TDP1: variants seen among roughly 807,000 people sequenced by gnomAD.
The protein encoded by TDP1 is tyr-DNA phosphodiesterase 1.
Under a neutral mutation model 81.5 loss-of-function variants are expected in TDP1, and 64 were observed. That is an observed-to-expected ratio of 0.79 (90% CI 0.64 to 0.97). TDP1 has a LOEUF of 0.97. Among genes scored for constraint, TDP1 ranks in the 50% least tolerant of loss-of-function variants. The pLI is 0.00. For missense variants in TDP1, 723 were observed against 743.8 expected (o/e 0.97, Z 0.33); for synonymous variants, 256 against 264.3 (o/e 0.97, Z 0.30).
intron 14 of TDP1, among the ~76,000 whole-genome samples, chr14:90,017,365 T>G (rs180893517): frequency 1.2e-3 from 181 of 152,288 alleles, no homozygotes; most frequent in African/African-American, 4.3e-3. Context: ...TCTCAGGGAA[T>G]GTTGATTTAT....
rs1885706904 is a variant in TDP1 at position 90,019,415 on chromosome 14, A to T, written c.1641A>T (p.Ala547=). The part of the protein sequence containing the change: ...YELGVLFLPS[A]FGLDSFKVKQ... ...TCGGGGTCCTTTTCCTCCCTTCAGC[A>T]TTTGTAAGTTTACACTTCCAACTGC... Residue 547 remains alanine (A), a synonymous_variant, in exon 15 of 17, where the codon GCA becomes GCT. Transcript: ENST00000335725. 1 of 1,578,658 alleles carries T rather than the reference A, an allele frequency of 6.3e-7. No homozygotes were observed. Among genetic ancestry groups the T allele is most frequent in the South Asian group, 1.1e-5 (1 of 90,378 alleles).
chr14:90,043,282 TG>T lies in TDP1; in HGVS notation c.*141del. On this transcript the variant is annotated 3_prime_UTR_variant, in exon 17 of 17. Transcript: ENST00000335725. ...TCTTTCCAAAGGTCACTCTTATGAA[TG>T]GATGTTGGTTATACTTTTAATGGAC... is the stretch of plus-strand genomic sequence containing the variant. The T allele has an allele frequency of 1.1e-6, 1 of 930,324 alleles. No homozygotes were observed. Among genetic ancestry groups the T allele is most frequent in the Non-Finnish European group, 1.7e-6 (1 of 586,408 alleles). 57.6% of individuals were successfully genotyped at this position (930,324 alleles called of 1,614,324 possible).
chr14:90,041,093 AC>A (rs1388576304), intron 16 of TDP1, among the ~76,000 whole-genome samples: 1 of 152,226 alleles, frequency 6.6e-6, no homozygotes, highest in African/African-American at 2.4e-5. Flanking sequence ...GTCTAATAGC[AC>A]TCATAGCAAG....
chr14:90,025,826 C>T (rs1008867519), intron 15 of TDP1, among the ~76,000 whole-genome samples: 1 of 152,202 alleles, frequency 6.6e-6, no homozygotes, highest in Non-Finnish European at 1.5e-5. Context: ...TCTCTTTGGA[C>T]CTCATTCCTT....
At chr14:90,032,079 T>C (rs75061498) in intron 15 of TDP1, among the ~76,000 whole-genome samples, 5,963 of 152,296 alleles carry the variant, frequency 0.039, 387 homozygotes, top group African/African-American at 0.13. Flanking sequence ...GCACCATGCC[T>C]GACCCAGAAG....
upstream of TDP1, chr14:89,955,366 A>T (rs1402922915): frequency 6.6e-6 from 1 of 152,266 alleles, no homozygotes; most frequent in Non-Finnish European, 1.5e-5. Flanking sequence ...TACCATAAAC[A>T]GCACCGAGCC....
intron 2 of TDP1, among the ~76,000 whole-genome samples, chr14:89,961,956 T>C (rs1892378707): frequency 6.6e-6 from 1 of 152,172 alleles, no homozygotes; most frequent in South Asian, 2.1e-4. Flanking sequence ...ATGTTAAAAG[T>C]ATCACATTGA....
At chr14:89,990,301 A>G (rs1290653264) in intron 12 of TDP1, among the ~76,000 whole-genome samples, 1 of 152,166 alleles carries the variant, frequency 6.6e-6, no homozygotes, top group Non-Finnish European at 1.5e-5. Flanking sequence ...CCTTTCCCTT[A>G]TACTCATACC....
chr14:90,038,702 G>A (rs1029639106), intron 16 of TDP1, among the ~76,000 whole-genome samples: 35 of 152,240 alleles, frequency 2.3e-4, no homozygotes, highest in African/African-American at 7.9e-4. Context: ...GCTGGGTGTG[G>A]TGGCACATGC....
chr14:90,016,304 A>C (rs1885305056), intron 14 of TDP1, among the ~76,000 whole-genome samples: 1 of 151,976 alleles, frequency 6.6e-6, no homozygotes, highest in Non-Finnish European at 1.5e-5. Flanking sequence ...TGGCCTCCCA[A>C]AGTGCTGGGA....
At chr14:89,977,670 A>G (rs905700582) in intron 7 of TDP1, among the ~76,000 whole-genome samples, 5 of 152,252 alleles carry the variant, frequency 3.3e-5, no homozygotes, top group African/African-American at 1.2e-4. Context: ...TAGAGTTTTT[A>G]TTCTTACAGC....
At chr14:90,033,048 T>G (rs1887462649) in intron 15 of TDP1, 58 bp from the exon 16 acceptor site, 11 of 1,320,192 alleles carry the variant, frequency 8.3e-6, no homozygotes, top group Non-Finnish European at 1.2e-5. Flanking sequence ...CCTTCTGGTT[T>G]TTTTTTTTAA....
intron 10 of TDP1, 39 bp downstream of exon 10, chr14:89,985,249 T>C: frequency 8.7e-7 from 1 of 1,149,474 alleles, no homozygotes; most frequent in South Asian, 1.4e-5. Flanking sequence ...TTTAAAAAAT[T>C]TAATGTATAT....
intron 14 of TDP1, among the ~76,000 whole-genome samples, chr14:90,013,662 A>G (rs1156246123): frequency 3.3e-5 from 5 of 152,124 alleles, no homozygotes; most frequent in Admixed American, 6.5e-5. Context: ...AATACTTGAT[A>G]TGGTTTGGCT....
At chr14:90,007,413 AC>A (rs1469143834) in intron 14 of TDP1, among the ~76,000 whole-genome samples, 1 of 152,026 alleles carries the variant, frequency 6.6e-6, no homozygotes, top group Non-Finnish European at 1.5e-5. Flanking sequence ...ACATGGTGAA[AC>A]CCTGTCTCTA....
At chr14:89,969,021 C>T (rs1301920993) in intron 5 of TDP1, among the ~76,000 whole-genome samples, 2 of 152,120 alleles carry the variant, frequency 1.3e-5, no homozygotes, top group Non-Finnish European at 2.9e-5. Flanking sequence ...AGAGATAAGA[C>T]CATGTAAAGA....
At position 90,005,404 on chromosome 14, in the gene TDP1, T is replaced by TA. The variant is rs200588649; in HGVS notation, c.1541+11931dup. Among the ~76,000 whole-genome samples the TA allele has an allele frequency of 6.5e-4, 98 of 151,686 alleles. 1 individual carries two copies. The highest frequency in any genetic ancestry group is 2.2e-3 in the African/African-American group (93 of 41,482). On this transcript the variant is annotated intron_variant, in intron 14 of 16. Coordinates refer to ENST00000335725, the MANE Select transcript of TDP1 (RefSeq NM_018319.4). The stretch of plus-strand genomic sequence containing the variant: ...CTTTGAACAAAGGGTTCTCGAGGTT[T>TA]AAAAAAAAAATTTTTTTAAATCATT...
intron 14 of TDP1, among the ~76,000 whole-genome samples, chr14:90,012,944 T>A (rs1884886842): frequency 6.6e-6 from 1 of 152,162 alleles, no homozygotes; most frequent in African/African-American, 2.4e-5. Flanking sequence ...TCAAAGGAGA[T>A]CATTTCGGAG....
intron 2 of TDP1, chr14:89,962,847 C>G: frequency 2.2e-6 from 2 of 911,538 alleles, no homozygotes; most frequent in Non-Finnish European, 2.6e-6. Flanking sequence ...ACCACTCCAG[C>G]TGGGTGACAG....
Sources: gnomAD v4.1 joint callset for allele counts (sites outside exome capture counted in the v4.1 genomes callset) on GRCh38, gnomAD v4.1.1 for gene constraint, MANE v1.5 for transcripts, NCBI Gene and HGNC (gene_info 2026-07-23, HGNC 2026-07-21) for gene names.